Variants in APOBEC3D observed in about 807,000 individuals in gnomAD.
The protein encoded by APOBEC3D is apolipoprotein B mRNA editing enzyme catalytic subunit 3D.
A neutral mutation model predicts 45.6 loss-of-function variants in APOBEC3D; 37 were observed. The observed-to-expected ratio is 0.81, with a 90% CI of 0.62 to 1.07. The LOEUF is 1.07. Among genes scored for constraint, APOBEC3D ranks in the 50% least tolerant of loss-of-function variants. The probability of loss-of-function intolerance (pLI) is 0.00; values close to 1 mark genes in which losing one functional copy is unlikely to be tolerated. For missense variants in APOBEC3D, 496 were observed against 495.3 expected, an observed-to-expected ratio of 1.00 and a Z score of -0.01; for synonymous variants, 175 against 180.7, an observed-to-expected ratio of 0.97 and a Z score of 0.25.
At chr22:39,024,566 C>T (rs1255595853) in intron 2 of APOBEC3D, among the ~76,000 whole-genome samples, 1 of 152,118 alleles carries the variant, frequency 6.6e-6, no homozygotes, top group Non-Finnish European at 1.5e-5. Flanking sequence ...TTCTGGACTC[C>T]AGGAAGTCCA....
At position 39,026,602 on chromosome 22, in the gene APOBEC3D, C is replaced by T. The variant is rs1925688939; in HGVS notation, c.605+931C>T. On this transcript the variant is annotated intron_variant, in intron 4 of 6. Transcript: ENST00000216099. ...GAGTCCTGCCCTGACTCCCACAGCC[C>T]CTCCCTCCAGACCATGGCTTCCCCA... is the stretch of plus-strand genomic sequence containing the variant. Among the ~76,000 whole-genome samples, 4 of 152,296 alleles carry T rather than the reference C, an allele frequency of 2.6e-5. No individual in the cohort carries two copies. The South Asian group carries it at 8.3e-4, about 32-fold the overall frequency.
rs374543231 is a variant in APOBEC3D, at chr22:39,021,386, G to T, written c.-134G>T. On this transcript the variant is annotated 5_prime_UTR_variant, in exon 1 of 7. Coordinates refer to ENST00000216099, the MANE Select transcript of APOBEC3D (RefSeq NM_152426.4). ...CTCCCAAAGTGCTGGGATTACAGGC[G>T]TGAGCCACCGTGCCCGGCCGGGAGG... is the stretch of plus-strand genomic sequence containing the variant. 2 of 1,287,806 alleles carry T rather than the reference G, an allele frequency of 1.6e-6. No individual in the cohort carries two copies. The highest frequency in any genetic ancestry group is 3.9e-5 in the Admixed American group (2 of 51,790). The allele number at this position is 1,287,806 out of a possible 1,614,324, so 79.8% of individuals were successfully genotyped here.
rs186393243 is a variant in APOBEC3D, at chr22:39,033,171, C to G, written c.*855C>G. The G allele has an allele frequency of 2.8e-3, 2,081 of 731,932 alleles. 4 individuals are homozygous for G. The highest frequency in any genetic ancestry group is 3.2e-3 in the Non-Finnish European group (1,934 of 598,648). 45.3% of individuals were successfully genotyped at this position (731,932 alleles called of 1,614,324 possible). ...GGTGGAGGCTGGAGTAAACTGAGATCGCGCCACAGAACTCCAGTTTGAGCA... is the reference window on the plus strand; with the variant it reads ...GGTGGAGGCTGGAGTAAACTGAGATGGCGCCACAGAACTCCAGTTTGAGCA... On this transcript the variant is annotated 3_prime_UTR_variant, in exon 7 of 7. Transcript: ENST00000216099.
In APOBEC3D at chr22:39,025,261, C is replaced by T; in HGVS notation, c.402C>T (p.Arg134=). The T allele has an allele frequency of 6.2e-7, 1 of 1,614,122 alleles. No homozygotes were observed. Among genetic ancestry groups the T allele is most frequent in the South Asian group, 1.1e-5 (1 of 91,086 alleles). Residue 134 remains arginine (R), a synonymous_variant, in exon 3 of 7, where the codon CGC becomes CGT. Transcript: ENST00000216099. The stretch of plus-strand genomic sequence containing the variant: ...TCACCCTGACCATCTCTGCCGCCCG[C>T]CTCTACTACTACCGGGATAGAGATT... ...PNVTLTISAA[R]LYYYRDRDWR...
chr22:39,029,493 C>T lies in APOBEC3D; in HGVS notation c.736C>T (p.Arg246Trp), dbSNP rs773819462. 4.6e-5 allele frequency: 75 copies of T among 1,614,016 alleles called. No homozygotes were observed. The highest frequency in any genetic ancestry group is 1.1e-4 in the East Asian group (5 of 44,894). Residue 246 changes from arginine (R) to tryptophan (W), a missense_variant, in exon 5 of 7, where the codon CGG (arginine) becomes TGG (tryptophan). Coordinates refer to ENST00000216099, the MANE Select transcript of APOBEC3D (RefSeq NM_152426.4). ...TACAAAGCACCACTCAGCTGTCTTC[C>T]GGAAGAGGGGCGTCTTCCGAAACCA... The part of the protein sequence containing the change: ...EVTKHHSAVF[R>W]KRGVFRNQVD...
rs757118694 is a variant in APOBEC3D, at chr22:39,031,959, T to C, written c.1028T>C (p.Ile343Thr). ...SLSQEGASVK[I>T]MGYKDFVSCW... is the part of the protein sequence containing the mutation. ...AGTCAGGAAGGGGCCTCCGTGAAGA[T>C]CATGGGCTACAAAGGTGAGACGTGG... The change falls in exon 6 of 7, where the codon ATC becomes ACC. Residue 343 changes from isoleucine (I) to threonine (T), a missense_variant. Physicochemically the swap from Ile to Thr is moderately conservative, Grantham distance 89. Coordinates refer to ENST00000216099, the MANE Select transcript of APOBEC3D (RefSeq NM_152426.4). The C allele has an allele frequency of 6.2e-6, 10 of 1,613,942 alleles. No individual in the cohort carries two copies. Among genetic ancestry groups the C allele is most frequent in the Non-Finnish European group, 8.5e-6 (10 of 1,180,020 alleles).
intron 2 of APOBEC3D, among the ~76,000 whole-genome samples, chr22:39,023,798 C>T (rs747111443): frequency 2.6e-5 from 4 of 152,106 alleles, no homozygotes; most frequent in African/African-American, 7.2e-5. Flanking sequence ...CCTGCTTGAC[C>T]GCCCCGGCCA....
intron 2 of APOBEC3D, among the ~76,000 whole-genome samples, chr22:39,024,604 G>A (rs867067667): frequency 9.2e-5 from 14 of 152,158 alleles, no homozygotes; most frequent in South Asian, 6.2e-4. Context: ...ACTTTCCAGG[G>A]CCTGCGAGCT....
In APOBEC3D at chr22:39,028,525, C is replaced by T. The variant is rs180972750; in HGVS notation, c.606-838C>T. ...ACTTAGGAGAGTAGCCTGGACCGGC[C>T]GGGCTCAGTGGCTCATGCCTGTCAT... is the stretch of plus-strand genomic sequence containing the variant. On this transcript the variant is annotated intron_variant, in intron 4 of 6. Coordinates refer to ENST00000216099, the MANE Select transcript of APOBEC3D (RefSeq NM_152426.4). Among the ~76,000 whole-genome samples the T allele has an allele frequency of 3.0e-3, 459 of 152,338 alleles. 1 individual carries two copies. Among genetic ancestry groups the T allele is most frequent in the Non-Finnish European group, 4.6e-3 (315 of 68,036 alleles).
intron 4 of APOBEC3D, among the ~76,000 whole-genome samples, chr22:39,026,509 CA>C (rs2146322004): frequency 6.6e-6 from 1 of 152,298 alleles, no homozygotes; most frequent in South Asian, 2.1e-4. Flanking sequence ...GACAATGACC[CA>C]GGGGGCTTGG....
At chr22:39,024,308 G>A (rs561243780) in intron 2 of APOBEC3D, among the ~76,000 whole-genome samples, 8 of 152,308 alleles carry the variant, frequency 5.3e-5, no homozygotes, top group Non-Finnish European at 1.0e-4. Flanking sequence ...ATGGGACAGC[G>A]CAGGTCCAGT....
rs1385659126 is a variant in APOBEC3D, at chr22:39,021,425, G to C, written c.-95G>C. 13 of 1,586,960 alleles carry C rather than the reference G, an allele frequency of 8.2e-6. No homozygotes were observed. The highest frequency in any genetic ancestry group is 6.7e-5 in the African/African-American group (5 of 74,368). On this transcript the variant is annotated 5_prime_UTR_variant, in exon 1 of 7. Coordinates refer to ENST00000216099, the MANE Select transcript of APOBEC3D (RefSeq NM_152426.4). ...CCGGCCGGGAGGTCACTTTAAGGAG[G>C]GCTGTCCAACTGCAAGGAGCCGCAA...
At position 39,032,528 on chromosome 22, in the gene APOBEC3D, C is replaced by G. The variant is rs1423016823; in HGVS notation, c.*212C>G. 13 of 1,319,862 alleles carry G rather than the reference C, an allele frequency of 9.8e-6. No individual in the cohort carries two copies. Among genetic ancestry groups the G allele is most frequent in the Non-Finnish European group, 1.2e-5 (12 of 1,036,320 alleles). 81.8% of individuals were successfully genotyped at this position (1,319,862 alleles called of 1,614,324 possible). ...AGGCTCTCCATCCACCTCCCCAGTCCTGTTCCCCCAGCCTGGGTGCCCCTA... is the reference window on the plus strand; with the variant it reads ...AGGCTCTCCATCCACCTCCCCAGTCGTGTTCCCCCAGCCTGGGTGCCCCTA... On this transcript the variant is annotated 3_prime_UTR_variant, in exon 7 of 7. Transcript: ENST00000216099.
At chr22:39,026,567 T>G (rs993432909) in intron 4 of APOBEC3D, among the ~76,000 whole-genome samples, 2 of 152,038 alleles carry the variant, frequency 1.3e-5, no homozygotes, top group African/African-American at 4.8e-5. Flanking sequence ...TGTGTGTCTG[T>G]CTCCCAGGCG....
chr22:39,025,286 T>A lies in APOBEC3D; in HGVS notation c.427T>A (p.Trp143Arg), dbSNP rs562831586. ...ARLYYYRDRD[W>R]RWVLLRLHKA... ...CCTCTACTACTACCGGGATAGAGAT[T>A]GGCGGTGGGTGCTCCTCAGGCTGCA... The change falls in exon 3 of 7, where the codon TGG becomes AGG. Residue 143 changes from tryptophan (W) to arginine (R), a missense_variant. Physicochemically the swap from Trp to Arg is moderately radical, Grantham distance 101 (BLOSUM62 -3). Transcript: ENST00000216099. The A allele has an allele frequency of 6.2e-7, 1 of 1,614,092 alleles. No homozygotes were observed. Among genetic ancestry groups the A allele is most frequent in the South Asian group, 1.1e-5 (1 of 91,074 alleles).
chr22:39,022,752 C>A, intron 1 of APOBEC3D, 70 bp from the exon 2 acceptor site: 1 of 1,539,870 alleles, frequency 6.5e-7, no homozygotes, highest in South Asian at 1.3e-5. Context: ...GAGCTGTGTT[C>A]AGTGGACATG....
At chr22:39,028,796 G>A (rs1202862459) in intron 4 of APOBEC3D, among the ~76,000 whole-genome samples, 1 of 152,136 alleles carries the variant, frequency 6.6e-6, no homozygotes, top group African/African-American at 2.4e-5. Flanking sequence ...TTAGACGGGC[G>A]TGGTGGCATG....
chr22:39,026,541 G>T (rs1211991779), intron 4 of APOBEC3D, among the ~76,000 whole-genome samples: 7 of 152,172 alleles, frequency 4.6e-5, no homozygotes, highest in Non-Finnish European at 1.0e-4. Context: ...GGTGGGGTGT[G>T]CAGGGGTCCC....
At chr22:39,028,725 G>A (rs1183443975) in intron 4 of APOBEC3D, among the ~76,000 whole-genome samples, 1 of 152,192 alleles carries the variant, frequency 6.6e-6, no homozygotes, top group East Asian at 1.9e-4. Flanking sequence ...CACAAGGTCA[G>A]GAGTTCAAGA....
Sources: allele counts gnomAD v4.1 joint callset (sites outside exome capture counted in the v4.1 genomes callset), GRCh38; gene constraint gnomAD v4.1.1; transcripts MANE v1.5; gene names NCBI Gene and HGNC (gene_info 2026-07-23, HGNC 2026-07-21).